The following DAP3 variants were observed in gnomAD, a reference collection of about 807,000 sequenced individuals.
DAP3 encodes the protein death associated protein 3.
A neutral mutation model predicts 51.9 loss-of-function variants in DAP3; 28 were observed. The ratio of observed to expected loss-of-function variants is 0.54; its 90% CI spans 0.40 to 0.74. DAP3 has a LOEUF of 0.74. Ranked by LOEUF, DAP3 falls within the 30% of genes least tolerant of loss-of-function variation. The pLI is 0.00. For synonymous variants in DAP3, 170 were observed against 170.3 expected, an observed-to-expected ratio of 1.00 and a Z score of 0.01; for missense variants, 458 against 483.5, an observed-to-expected ratio of 0.95 and a Z score of 0.49.
chr1:155,723,480 C>CTGG, intron 4 of DAP3, among the ~76,000 whole-genome samples: 1 of 152,228 alleles, frequency 6.6e-6, no homozygotes, highest in African/African-American at 2.4e-5. Flanking sequence ...AGGTGCTCGC[C>CTGG]ACCACGCCTG....
rs1571548937 is a variant in DAP3, at chr1:155,727,815, G to A, written c.603+77G>A. On this transcript the variant is annotated intron_variant, in intron 7 of 12. Transcript: ENST00000368336. The stretch of plus-strand genomic sequence containing the variant: ...TGTGCCCTGAGTACCAATAGACTAT[G>A]GAGAACTGATACTGGAGTTGGAATA... The A allele has an allele frequency of 1.2e-5, 18 of 1,458,508 alleles. No homozygotes were observed. In the South Asian group the frequency reaches 2.6e-4, roughly 21 times the overall value. 90.3% of individuals were successfully genotyped at this position (1,458,508 alleles called of 1,614,324 possible). A position where few individuals can be genotyped will look rare whatever the true frequency, so the allele number is the denominator to read the frequency against.
chr1:155,699,022 C>T (rs1022773946), intron 1 of DAP3, among the ~76,000 whole-genome samples: 6 of 152,054 alleles, frequency 3.9e-5, no homozygotes, highest in South Asian at 2.1e-4. Flanking sequence ...ACCTGAAGTC[C>T]GGTGGCGACA....
In DAP3 at chr1:155,715,848, A is replaced by C. The variant is rs556977809; in HGVS notation, c.46-1158A>C. On this transcript the variant is annotated intron_variant, in intron 2 of 12. Coordinates refer to ENST00000368336, the MANE Select transcript of DAP3 (RefSeq NM_004632.4). ...CAGTTCACTGAGTTACCTATAGAGC[A>C]GTTTGCTTTCACTTAGCTGTGTATT... is the stretch of plus-strand genomic sequence containing the variant. Among the ~76,000 whole-genome samples, 6 of 152,250 alleles carry C rather than the reference A, an allele frequency of 3.9e-5. No individual in the cohort carries two copies. In the East Asian group the frequency reaches 7.7e-4, roughly 20 times the overall value.
intron 11 of DAP3, chr1:155,736,589 G>A (rs1275677423): frequency 1.1e-5 from 3 of 264,180 alleles, no homozygotes; most frequent in Admixed American, 5.2e-5. Flanking sequence ...GCTAATTTTT[G>A]TATTTTCTGT....
chr1:155,703,357 G>A lies in DAP3; in HGVS notation c.-7-6416G>A, dbSNP rs577557249. Among the ~76,000 whole-genome samples, 5 of 152,266 alleles carry A rather than the reference G, an allele frequency of 3.3e-5. No homozygotes were observed. The East Asian group carries it at 9.6e-4, about 29-fold the overall frequency. ...AGAGAGCATGAGAGCCAAGTGAAAG[G>A]GGAAACACCTTATTAAATTATTAGA... On this transcript the variant is annotated intron_variant, in intron 1 of 12. Transcript: ENST00000368336.
chr1:155,705,460 T>C (rs1328893861), intron 1 of DAP3, among the ~76,000 whole-genome samples: 1 of 151,092 alleles, frequency 6.6e-6, no homozygotes, highest in African/African-American at 2.4e-5. Context: ...TTTTTTTTAA[T>C]ATGCCAGGCA....
chr1:155,688,212 T>A (rs746952559), upstream of DAP3: 2 of 1,613,630 alleles, frequency 1.2e-6, no homozygotes, highest in Admixed American at 3.3e-5. Flanking sequence ...CTGGCGGAAA[T>A]GCGAGAGAGG....
intron 6 of DAP3, 126 bp downstream of exon 6, chr1:155,726,145 C>A: frequency 1.2e-6 from 1 of 801,892 alleles, no homozygotes; most frequent in Non-Finnish European, 1.9e-6. Context: ...TGGAGTTTCG[C>A]TCTTGTCGGC....
intron 1 of DAP3, among the ~76,000 whole-genome samples, chr1:155,699,091 C>G (rs1396993356): frequency 6.6e-6 from 1 of 152,138 alleles, no homozygotes; most frequent in Non-Finnish European, 1.5e-5. Flanking sequence ...GGGCCAGTTG[C>G]AAAATGGAGG....
chr1:155,723,136 A>G (rs1658186579), intron 4 of DAP3, among the ~76,000 whole-genome samples: 2 of 151,762 alleles, frequency 1.3e-5, no homozygotes, highest in Admixed American at 1.3e-4. Flanking sequence ...TGCCCAGGGT[A>G]GCTGACTTTA....
chr1:155,688,105 A>G (rs1489375177), upstream of DAP3: 1 of 1,609,204 alleles, frequency 6.2e-7, no homozygotes, highest in Admixed American at 1.7e-5. Flanking sequence ...GAGTACAGGG[A>G]AGTGAGGAAG....
intron 1 of DAP3, among the ~76,000 whole-genome samples, chr1:155,692,255 A>G (rs1653920126): frequency 7.1e-6 from 1 of 141,606 alleles, no homozygotes; most frequent in Non-Finnish European, 1.5e-5. Context: ...AGAGCATGGG[A>G]ACATAATGGC....
chr1:155,707,344 C>T (rs924017536), intron 1 of DAP3, among the ~76,000 whole-genome samples: 30 of 146,214 alleles, frequency 2.1e-4, no homozygotes, highest in African/African-American at 3.6e-4. Context: ...ACCCGGGAGG[C>T]GGAGCTTGCA....
At chr1:155,689,219 G>A in intron 1 of DAP3, 45 bp downstream of exon 1, 1 of 699,244 alleles carries the variant, frequency 1.4e-6, no homozygotes, top group Non-Finnish European at 2.6e-6. Flanking sequence ...TGAGGGAAAG[G>A]AGCGGGACTC....
At chr1:155,730,300 C>T (rs1297878500) in intron 9 of DAP3, among the ~76,000 whole-genome samples, 2 of 136,802 alleles carry the variant, frequency 1.5e-5, no homozygotes, top group African/African-American at 7.2e-5. Flanking sequence ...CATACATATT[C>T]GTATATATAT....
intron 1 of DAP3, among the ~76,000 whole-genome samples, chr1:155,691,549 A>C: frequency 7.1e-6 from 1 of 141,838 alleles, no homozygotes; most frequent in East Asian, 1.9e-4. Flanking sequence ...ACTGCTACGA[A>C]CATTTGTGTA....
At chr1:155,709,860 T>C in intron 2 of DAP3, 36 bp downstream of exon 2, 1 of 1,590,096 alleles carries the variant, frequency 6.3e-7, no homozygotes, top group South Asian at 1.1e-5. Flanking sequence ...CTGTGCATAC[T>C]GCCTTTAGGT....
intron 11 of DAP3, among the ~76,000 whole-genome samples, chr1:155,734,217 A>T (rs905296430): frequency 6.6e-6 from 1 of 151,970 alleles, no homozygotes; most frequent in Non-Finnish European, 1.5e-5. Flanking sequence ...CCCCATCATT[A>T]TTTTTTTGGA....
chr1:155,738,920 C>T lies in DAP3; in HGVS notation c.*678C>T, dbSNP rs1247215350. On this transcript the variant is annotated 3_prime_UTR_variant, in exon 13 of 13. Coordinates refer to ENST00000368336, the MANE Select transcript of DAP3 (RefSeq NM_004632.4). Reference sequence around the variant, plus strand: ...TTGGGAGGCGGATGTTGCAGTGAGCCAAAATTGCACCACTGCACTCCAGCC... The same window carrying T: ...TTGGGAGGCGGATGTTGCAGTGAGCTAAAATTGCACCACTGCACTCCAGCC... 6.6e-6 allele frequency: 1 copy of T among 151,474 alleles called. No individual in the cohort carries two copies. The highest frequency in any genetic ancestry group is 1.5e-5 in the Non-Finnish European group (1 of 67,898). 9.4% of individuals were successfully genotyped at this position (151,474 alleles called of 1,614,324 possible).
Sources: allele counts gnomAD v4.1 joint callset (sites outside exome capture counted in the v4.1 genomes callset), GRCh38; gene constraint gnomAD v4.1.1; transcripts MANE v1.5; gene names NCBI Gene and HGNC (gene_info 2026-07-23, HGNC 2026-07-21).